RASAL2: variants seen among roughly 807,000 people sequenced by gnomAD.
RASAL2 encodes the protein RAS protein activator like 2.
In RASAL2, 58 loss-of-function variants were observed where a neutral mutation model predicts 128.9. The observed-to-expected ratio is 0.45, with a 90% CI of 0.36 to 0.56. RASAL2 has a LOEUF of 0.56. Among genes scored for constraint, RASAL2 ranks in the 20% least tolerant of loss-of-function variants. The pLI is 0.00. For missense variants in RASAL2, 1,360 were observed against 1,601.6 expected (o/e 0.85, Z 2.57); for synonymous variants, 561 against 580.8 (o/e 0.97, Z 0.49).
intron 1 of RASAL2, among the ~76,000 whole-genome samples, chr1:178,131,375 CTTTTTTTTTTTT>C (rs71108028): frequency 2.4e-5 from 2 of 82,590 alleles, no homozygotes; most frequent in South Asian, 4.1e-4. Flanking sequence ...CCTGGATAAT[CTTTTTTTTTTTT>C]TTTTTTTTTT....
At chr1:178,177,038 A>G (rs931089509) in intron 1 of RASAL2, among the ~76,000 whole-genome samples, 1 of 152,184 alleles carries the variant, frequency 6.6e-6, no homozygotes, top group East Asian at 1.9e-4. Context: ...TAGTTCCAGA[A>G]TAGTCTTCAG....
At chr1:178,239,509 A>T (rs748982764) in intron 1 of RASAL2, among the ~76,000 whole-genome samples, 17 of 152,098 alleles carry the variant, frequency 1.1e-4, no homozygotes, top group Non-Finnish European at 1.9e-4. Flanking sequence ...TAAAATAATG[A>T]TAGTTGTCAC....
intron 1 of RASAL2, among the ~76,000 whole-genome samples, chr1:178,277,700 A>G (rs566664386): frequency 8.5e-5 from 13 of 152,192 alleles, no homozygotes; most frequent in Non-Finnish European, 1.8e-4. Flanking sequence ...TACACCAATT[A>G]TCTGTTGGGA....
intron 5 of RASAL2, among the ~76,000 whole-genome samples, chr1:178,435,045 G>C (rs1020638510): frequency 2.0e-5 from 3 of 151,912 alleles, no homozygotes; most frequent in Admixed American, 6.6e-5. Context: ...AATGCATACT[G>C]GTGAATACAA....
At chr1:178,314,746 G>C (rs977919150) in intron 3 of RASAL2, among the ~76,000 whole-genome samples, 1 of 152,054 alleles carries the variant, frequency 6.6e-6, no homozygotes, top group Non-Finnish European at 1.5e-5. Flanking sequence ...AGGCATCACA[G>C]ATACTTATAA....
chr1:178,256,932 C>G (rs1258097269), intron 1 of RASAL2, among the ~76,000 whole-genome samples: 3 of 152,082 alleles, frequency 2.0e-5, no homozygotes, highest in African/African-American at 7.2e-5. Flanking sequence ...CCTCAGCCTC[C>G]CAAAGTGCTA....
At chr1:178,294,008 C>T (rs939295644) in intron 2 of RASAL2, among the ~76,000 whole-genome samples, 1 of 151,706 alleles carries the variant, frequency 6.6e-6, no homozygotes, top group Non-Finnish European at 1.5e-5. Context: ...ACAAACTAAG[C>T]CATGGCACTG....
intron 2 of RASAL2, among the ~76,000 whole-genome samples, chr1:178,287,454 A>AAAAAAGT (rs1667082218): frequency 6.6e-6 from 1 of 152,242 alleles, no homozygotes; most frequent in South Asian, 2.1e-4. Context: ...AAAATGAAAA[A>AAAAAAGT]AAAAAGTAAA....
intron 3 of RASAL2, among the ~76,000 whole-genome samples, chr1:178,331,565 A>G (rs1231492983): frequency 1.4e-5 from 2 of 147,562 alleles, no homozygotes; most frequent in African/African-American, 2.5e-5. Context: ...TGTTTCTTAG[A>G]GATGTAACTT....
chr1:178,457,279 C>T (rs1677842092), intron 13 of RASAL2, among the ~76,000 whole-genome samples: 2 of 152,216 alleles, frequency 1.3e-5, no homozygotes, highest in Non-Finnish European at 2.9e-5. Context: ...AATGTCGATG[C>T]TTAGACTGTT....
In RASAL2 at chr1:178,134,998, A is replaced by G. The variant is rs139950493; in HGVS notation, c.202+40304A>G. On this transcript the variant is annotated intron_variant, in intron 1 of 17. Transcript: ENST00000367649. ...AAAGTTAGCTAAAGCTTGAGCAGAA[A>G]AATGCCTAGGAAAGCTTCACCAGAG... Among the ~76,000 whole-genome samples, 660 of 152,244 alleles carry G rather than the reference A, an allele frequency of 4.3e-3. 15 individuals are homozygous for G. The highest frequency in any genetic ancestry group is 0.015 in the African/African-American group (633 of 41,546).
At chr1:178,107,562 A>G (rs1283960329) in intron 1 of RASAL2, among the ~76,000 whole-genome samples, 1 of 152,188 alleles carries the variant, frequency 6.6e-6, no homozygotes. Flanking sequence ...TGTAACCATC[A>G]CCACTACCTA....
At chr1:178,120,137 A>G (rs1443322135) in intron 1 of RASAL2, among the ~76,000 whole-genome samples, 3 of 152,214 alleles carry the variant, frequency 2.0e-5, no homozygotes, top group Non-Finnish European at 2.9e-5. Flanking sequence ...CTTGGTCTCC[A>G]TGTGGCGAAG....
chr1:178,138,843 T>G (rs1478054370), intron 1 of RASAL2, among the ~76,000 whole-genome samples: 2 of 152,102 alleles, frequency 1.3e-5, no homozygotes, highest in Non-Finnish European at 2.9e-5. Context: ...TATAAGGTAG[T>G]TAGAACAGTT....
At chr1:178,432,720 C>T (rs1675996251) in intron 5 of RASAL2, among the ~76,000 whole-genome samples, 1 of 152,100 alleles carries the variant, frequency 6.6e-6, no homozygotes, top group Non-Finnish European at 1.5e-5. Flanking sequence ...TCCCCAATTC[C>T]TCCAGCATTC....
At chr1:178,311,774 T>G (rs1257914943) in intron 3 of RASAL2, among the ~76,000 whole-genome samples, 2 of 151,432 alleles carry the variant, frequency 1.3e-5, no homozygotes, top group East Asian at 3.9e-4. Flanking sequence ...TTCCCAAGAT[T>G]AGTGGACATC....
At chr1:178,197,611 G>GAAAAAAAAA (rs57628750) in intron 1 of RASAL2, among the ~76,000 whole-genome samples, 2 of 94,250 alleles carry the variant, frequency 2.1e-5, no homozygotes, top group African/African-American at 6.9e-5. Flanking sequence ...TCCATCTGGG[G>GAAAAAAAAA]AAAAAAAAAA....
intron 1 of RASAL2, among the ~76,000 whole-genome samples, chr1:178,115,980 G>C (rs1376576554): frequency 5.3e-5 from 8 of 152,040 alleles, no homozygotes; most frequent in Non-Finnish European, 1.0e-4. Context: ...GAGGGATGTT[G>C]GTACTATTTA....
intron 1 of RASAL2, chr1:178,120,833 C>CGG (rs1659691295): frequency 6.6e-6 from 1 of 152,272 alleles, no homozygotes; most frequent in East Asian, 1.9e-4. Flanking sequence ...GTTCGTGCTC[C>CGG]CATGAGAATC....
Sources: gnomAD v4.1 joint callset for allele counts (sites outside exome capture counted in the v4.1 genomes callset) on GRCh38, gnomAD v4.1.1 for gene constraint, MANE v1.5 for transcripts, NCBI Gene and HGNC (gene_info 2026-07-23, HGNC 2026-07-21) for gene names.